The following MFGE8 variants were observed in gnomAD, a reference collection of about 807,000 sequenced individuals.
MFGE8 encodes the protein milk fat globule EGF and factor V/VIII domain containing, also known as lactadherin.
MFGE8 carries 34 observed loss-of-function variants against 42.6 expected under a neutral mutation model. That is an observed-to-expected ratio of 0.80 (90% CI 0.61 to 1.06). The LOEUF is 1.06. Ranked by LOEUF, MFGE8 falls within the 50% of genes least tolerant of loss-of-function variation. MFGE8 has a pLI of 0.00. For synonymous variants in MFGE8, 230 were observed against 214.8 expected, an observed-to-expected ratio of 1.07 and a Z score of -0.62; for missense variants, 510 against 516.9, an observed-to-expected ratio of 0.99 and a Z score of 0.13.
intron 3 of MFGE8, 73 bp downstream of exon 3, chr15:88,907,122 T>C (rs1208250936): frequency 1.2e-5 from 18 of 1,522,448 alleles, no homozygotes; most frequent in Non-Finnish European, 1.5e-5. Context: ...CCTCCTGGGG[T>C]AACCCCCAAA....
intron 1 of MFGE8, chr15:88,910,478 T>C (rs75316477): frequency 0.023 from 4,523 of 193,570 alleles, 239 homozygotes; most frequent in African/African-American, 0.099. Context: ...CCAATGACCA[T>C]GCTAGGCCCC....
intron 1 of MFGE8, chr15:88,912,707 G>A (rs1422406132): frequency 4.1e-6 from 4 of 985,210 alleles, no homozygotes; most frequent in African/African-American, 1.7e-5. Flanking sequence ...GTCCCCTCCC[G>A]GGCCCCACTT....
At chr15:88,904,239 A>C (rs1425239254) in intron 5 of MFGE8, 2 of 152,230 alleles carry the variant, frequency 1.3e-5, no homozygotes, top group African/African-American at 2.4e-5. Context: ...TCAATATCTT[A>C]ATAAACATCC....
chr15:88,913,134 C>A, intron 1 of MFGE8, 113 bp downstream of exon 1: 1 of 1,388,798 alleles, frequency 7.2e-7, no homozygotes, highest in South Asian at 1.6e-5. Context: ...AGCCCGGTCC[C>A]CGGGGCTTTG....
chr15:88,907,706 TC>T (rs35327884), intron 2 of MFGE8, among the ~76,000 whole-genome samples: 1 of 147,672 alleles, frequency 6.8e-6, no homozygotes, highest in South Asian at 2.2e-4. Context: ...GAAAGTAGAG[TC>T]CCCCCCGCCA....
In MFGE8 at chr15:88,899,502, G is replaced by A. The variant is rs761906978; in HGVS notation, c.1057C>T (p.His353Tyr). ...IFPGNWDNHS[H>Y]KKNLFETPIL... ...GGCGTCTCAAACAAGTTCTTCTTGT[G>A]GGAGTGGTTGTCCCAGTTGCCAGGG... is the stretch of plus-strand genomic sequence containing the variant. Residue 353 changes from histidine to tyrosine, a missense_variant, in exon 8 of 8, where the codon CAC becomes TAC. His to Tyr is a moderately conservative substitution (Grantham distance 83). Transcript: ENST00000268150. The surrounding 1 kb of genome is among the most constrained non-coding windows in gnomAD (Gnocchi z 6.8). The A allele has an allele frequency of 6.8e-6, 11 of 1,613,896 alleles. No homozygotes were observed. The highest frequency in any genetic ancestry group is 3.3e-5 in the South Asian group (3 of 90,888).
In MFGE8 at chr15:88,900,801, T is replaced by C. The variant is rs114512141; in HGVS notation, c.870+750A>G. The C allele has an allele frequency of 4.5e-3, 4,286 of 953,510 alleles. 170 individuals carry two copies. The African/African-American group carries it at 0.071, about 16-fold the overall frequency. 59.1% of individuals were successfully genotyped at this position (953,510 alleles called of 1,614,324 possible). A position where few individuals can be genotyped will look rare whatever the true frequency, so the allele number is the denominator to read the frequency against. On this transcript the variant is annotated intron_variant, in intron 6 of 7. Coordinates refer to ENST00000268150, the MANE Select transcript of MFGE8 (RefSeq NM_005928.4). Reference sequence around the variant, plus strand: ...CAAGGGCTGTCACATGGTGGCTTCTTAGACACTGAGTCAGAGAATATGTAT... The same window carrying C: ...CAAGGGCTGTCACATGGTGGCTTCTCAGACACTGAGTCAGAGAATATGTAT...
chr15:88,901,444 CTT>C, intron 6 of MFGE8, 105 bp downstream of exon 6: 1 of 1,139,548 alleles, frequency 8.8e-7, no homozygotes, highest in Non-Finnish European at 1.3e-6. Flanking sequence ...TTCCAGAACT[CTT>C]TTGGGGAGCA....
In MFGE8 at chr15:88,902,249, A is replaced by AG. The variant is rs1256348484; in HGVS notation, c.686-515_686-514insC. On this transcript the variant is annotated intron_variant, in intron 5 of 7. Transcript: ENST00000268150. This position sits in a 1 kb window ranked among gnomAD's most constrained non-coding sequence, Gnocchi z 4.3. ...CATTTAACCTGCCACCAAAAAAAAA[A>AG]AGAAAAAAAAACACTAAATGAAGTA... The AG allele has an allele frequency of 1.9e-4, 30 of 157,522 alleles. No homozygotes were observed. Among genetic ancestry groups the AG allele is most frequent in the East Asian group, 7.4e-4 (4 of 5,406 alleles). 9.8% of individuals were successfully genotyped at this position (157,522 alleles called of 1,614,324 possible).
Position 88,899,288 on chromosome 15 carries a change from C to A in MFGE8, c.*107G>T. Reference sequence around the variant, plus strand: ...TGTGTGGTGGTGCTGCCTCTGAACACCCTCCCCTTCCCCAGTCCCCAGCCC... The same window carrying A: ...TGTGTGGTGGTGCTGCCTCTGAACAACCTCCCCTTCCCCAGTCCCCAGCCC... On this transcript the variant is annotated 3_prime_UTR_variant, in exon 8 of 8. Coordinates refer to ENST00000268150, the MANE Select transcript of MFGE8 (RefSeq NM_005928.4). The surrounding 1 kb of genome is among the most constrained non-coding windows in gnomAD (Gnocchi z 6.8). The A allele has an allele frequency of 2.0e-6, 3 of 1,492,602 alleles. No individual in the cohort carries two copies. The highest frequency in any genetic ancestry group is 2.7e-6 in the Non-Finnish European group (3 of 1,094,468). The allele number at this position is 1,492,602 out of a possible 1,614,324, so 92.5% of individuals were successfully genotyped here.
intron 2 of MFGE8, among the ~76,000 whole-genome samples, chr15:88,907,801 C>T (rs1383630998): frequency 2.0e-5 from 3 of 152,050 alleles, no homozygotes; most frequent in East Asian, 1.9e-4. Context: ...CACAGAATAC[C>T]GGTGTGACCC....
chr15:88,901,517 A>AAAACCCAAAAAAGCAGACC, intron 6 of MFGE8, 34 bp downstream of exon 6: 1 of 1,072,616 alleles, frequency 9.3e-7, no homozygotes, highest in Non-Finnish European at 1.4e-6. Flanking sequence ...ATCCCACCCA[A>AAAACCCAAAAAAGCAGACC]CCCCAGCCCC....
chr15:88,901,007 A>ACACACACACACATT (rs1898341333), intron 6 of MFGE8, among the ~76,000 whole-genome samples: 9 of 145,758 alleles, frequency 6.2e-5, no homozygotes, highest in African/African-American at 1.5e-4. Flanking sequence ...ACACATTCAC[A>ACACACACACACATT]CACACACACA....
At chr15:88,909,596 C>T (rs1238007663) in intron 2 of MFGE8, among the ~76,000 whole-genome samples, 196 bp downstream of exon 2, 2 of 152,216 alleles carry the variant, frequency 1.3e-5, no homozygotes, top group Non-Finnish European at 2.9e-5. Flanking sequence ...AAGGAAGAAA[C>T]AACAGGACCC....
At chr15:88,911,332 C>T (rs909766053) in intron 1 of MFGE8, among the ~76,000 whole-genome samples, 1 of 152,162 alleles carries the variant, frequency 6.6e-6, no homozygotes, top group Admixed American at 6.5e-5. Context: ...GTGGGTCGGC[C>T]GGGCCCAACA....
At chr15:88,907,714 G>A (rs35699851) in intron 2 of MFGE8, among the ~76,000 whole-genome samples, 27 of 149,688 alleles carry the variant, frequency 1.8e-4, no homozygotes, top group East Asian at 1.4e-3. Context: ...AGTCCCCCCC[G>A]CCAGGCTGTG....
chr15:88,908,098 A>C (rs1384713505), intron 2 of MFGE8, among the ~76,000 whole-genome samples: 1 of 151,662 alleles, frequency 6.6e-6, no homozygotes, highest in Non-Finnish European at 1.5e-5. Context: ...CCAAGGCCCC[A>C]CCCCCCTCAC....
intron 5 of MFGE8, 34 bp from the exon 6 acceptor site, chr15:88,901,769 G>A: frequency 6.2e-7 from 1 of 1,608,066 alleles, no homozygotes; most frequent in South Asian, 1.1e-5. Flanking sequence ...CTGGATCTGG[G>A]ATCCACAGCT....
chr15:88,903,493 T>G lies in MFGE8; in HGVS notation c.686-1758A>C, dbSNP rs1471156990. 6.6e-6 allele frequency: 1 copy of G among 152,108 alleles called. No homozygotes were observed. The highest frequency in any genetic ancestry group is 1.9e-4 in the East Asian group (1 of 5,186). The allele number at this position is 152,108 out of a possible 1,614,324, so 9.4% of individuals were successfully genotyped here. ...ATTTCTTTTTTTTTGTTTTTTTGTT[T>G]GTTTGTTTGAGACACAGTCTCGCTC... On this transcript the variant is annotated intron_variant, in intron 5 of 7. Coordinates refer to ENST00000268150, the MANE Select transcript of MFGE8 (RefSeq NM_005928.4). The surrounding 1 kb of genome is among the most constrained non-coding windows in gnomAD (Gnocchi z 4.9).
Sources: allele counts gnomAD v4.1 joint callset (sites outside exome capture counted in the v4.1 genomes callset), GRCh38; gene constraint gnomAD v4.1.1; non-coding constraint Gnocchi (gnomAD v3.1); transcripts MANE v1.5; gene names NCBI Gene and HGNC (gene_info 2026-07-23, HGNC 2026-07-21).